The following TULP3 variants were observed in gnomAD, a reference collection of about 807,000 sequenced individuals.
TULP3 encodes TUB like protein 3.
In TULP3, 38 loss-of-function variants were observed where a neutral mutation model predicts 50.7. The observed-to-expected ratio is 0.75, with a 90% CI of 0.58 to 0.98. TULP3 has a LOEUF of 0.98. Among genes scored for constraint, TULP3 ranks in the 50% least tolerant of loss-of-function variants. The pLI, the probability that TULP3 is intolerant of heterozygous loss-of-function variation, is 0.00. For missense variants in TULP3, 550 were observed against 568.0 expected (o/e 0.97, Z 0.32); for synonymous variants, 183 against 196.6 (o/e 0.93, Z 0.58).
chr12:2,926,939 A>G (rs377500839), intron 4 of TULP3, among the ~76,000 whole-genome samples: 1 of 152,134 alleles, frequency 6.6e-6, no homozygotes, highest in East Asian at 1.9e-4. Context: ...GGTTTTCAGT[A>G]CAGAGTTCTA....
intron 2 of TULP3, among the ~76,000 whole-genome samples, chr12:2,917,663 G>C (rs2098189399): frequency 1.3e-5 from 2 of 152,054 alleles, no homozygotes; most frequent in Admixed American, 1.3e-4. Context: ...GGATCATGAG[G>C]TCAGGAGATC....
chr12:2,932,124 CA>C (rs1460055696), intron 6 of TULP3, among the ~76,000 whole-genome samples: 2 of 152,142 alleles, frequency 1.3e-5, no homozygotes, highest in African/African-American at 4.8e-5. Flanking sequence ...CCATTGAGGT[CA>C]CAGTGGTTTA....
At chr12:2,917,635 T>C (rs561595653) in intron 2 of TULP3, among the ~76,000 whole-genome samples, 322 of 152,098 alleles carry the variant, frequency 2.1e-3, no homozygotes, top group Non-Finnish European at 3.3e-3. Context: ...CCCAGCACTT[T>C]AGGAGGCCAA....
intron 6 of TULP3, among the ~76,000 whole-genome samples, chr12:2,932,943 A>ATTTTTTT (rs202247754): frequency 1.3e-5 from 2 of 149,496 alleles, no homozygotes; most frequent in Non-Finnish European, 1.5e-5. Context: ...TTTTATTTTT[A>ATTTTTTT]TTTTTTATTT....
intron 8 of TULP3, among the ~76,000 whole-genome samples, chr12:2,935,909 G>A (rs565000090): frequency 1.3e-5 from 2 of 152,162 alleles, no homozygotes; most frequent in South Asian, 4.1e-4. Flanking sequence ...GGTCGAGGCT[G>A]CAGTGAGCCG....
intron 1 of TULP3, among the ~76,000 whole-genome samples, chr12:2,899,852 C>CACT (rs1443551166): frequency 2.1e-5 from 3 of 144,030 alleles, no homozygotes; most frequent in African/African-American, 7.9e-5. Flanking sequence ...GAGCTCATGC[C>CACT]ACTGCACTCC....
At chr12:2,912,966 G>A (rs114774326) in intron 2 of TULP3, among the ~76,000 whole-genome samples, 1,763 of 121,908 alleles carry the variant, frequency 0.014, 37 homozygotes, top group African/African-American at 0.055. Context: ...CCCTTAACAC[G>A]TTCTTTTTTT....
At chr12:2,900,524 C>T (rs2098178521) in intron 1 of TULP3, among the ~76,000 whole-genome samples, 1 of 152,120 alleles carries the variant, frequency 6.6e-6, no homozygotes, top group African/African-American at 2.4e-5. Flanking sequence ...TCCTATTCTG[C>T]TACCCTTGTC....
intron 7 of TULP3, among the ~76,000 whole-genome samples, chr12:2,933,958 A>G (rs894255143): frequency 6.6e-6 from 1 of 152,144 alleles, no homozygotes; most frequent in Admixed American, 6.5e-5. Context: ...TCAAAAAAAT[A>G]AAAAAATAAG....
At chr12:2,907,841 G>C (rs1262217320) in intron 1 of TULP3, among the ~76,000 whole-genome samples, 1 of 152,052 alleles carries the variant, frequency 6.6e-6, no homozygotes, top group Non-Finnish European at 1.5e-5. Flanking sequence ...TGAAACATGG[G>C]GGGCACAAAG....
chr12:2,902,273 C>T (rs539437626), intron 1 of TULP3, among the ~76,000 whole-genome samples: 1 of 152,130 alleles, frequency 6.6e-6, no homozygotes, highest in Non-Finnish European at 1.5e-5. Context: ...TAAAAAACAT[C>T]AATTTGTGAT....
intron 6 of TULP3, among the ~76,000 whole-genome samples, chr12:2,932,689 A>C (rs182697228): frequency 2.0e-5 from 3 of 150,412 alleles, no homozygotes; most frequent in Non-Finnish European, 4.4e-5. Flanking sequence ...ATGAACATTG[A>C]TTGTTATTTA....
At position 2,939,325 on chromosome 12, in the gene TULP3, A is replaced by T; in HGVS notation, c.1210A>T (p.Met404Leu). The T allele has an allele frequency of 6.2e-7, 1 of 1,614,236 alleles. No homozygotes were observed. The highest frequency in any genetic ancestry group is 8.5e-7 in the Non-Finnish European group (1 of 1,180,050). Reference protein sequence around the residue: ...VHKNDPDYIVMQFGRVADDVF... With the variant: ...VHKNDPDYIVLQFGRVADDVF... The stretch of plus-strand genomic sequence containing the variant: ...TCTGTTTCTAGCTGATTATATAGTC[A>T]TGCAGTTTGGACGTGTGGCAGATGA... Residue 404 changes from methionine to leucine, a missense_variant, in exon 11 of 11, where the codon ATG becomes TTG. Transcript: ENST00000448120. The surrounding 1 kb of genome is among the most constrained non-coding windows in gnomAD (Gnocchi z 4.0).
chr12:2,900,957 C>T (rs546191490), intron 1 of TULP3, among the ~76,000 whole-genome samples: 2 of 150,452 alleles, frequency 1.3e-5, no homozygotes, highest in African/African-American at 4.9e-5. Context: ...ACGCGATCCT[C>T]TTGCCTCTTA....
intron 3 of TULP3, among the ~76,000 whole-genome samples, chr12:2,921,823 C>G (rs1311043140): frequency 6.6e-6 from 1 of 152,118 alleles, no homozygotes; most frequent in Non-Finnish European, 1.5e-5. Flanking sequence ...GTGGCTTATA[C>G]CTGTGATCCC....
At chr12:2,936,795 GTT>G (rs201365792) in intron 8 of TULP3, among the ~76,000 whole-genome samples, 30,607 of 151,722 alleles carry the variant, frequency 0.2, 3,164 homozygotes, top group South Asian at 0.26. Flanking sequence ...AAGAGATTCT[GTT>G]TTAAATGTAG....
intron 1 of TULP3, among the ~76,000 whole-genome samples, chr12:2,895,068 G>C (rs1190472662): frequency 1.3e-5 from 2 of 152,136 alleles, no homozygotes; most frequent in African/African-American, 4.8e-5. Context: ...TTAACTTCTG[G>C]ATTAAATCAT....
chr12:2,892,150 T>C (rs1475989535), intron 1 of TULP3, among the ~76,000 whole-genome samples: 1 of 152,204 alleles, frequency 6.6e-6, no homozygotes, highest in Non-Finnish European at 1.5e-5. Context: ...TTAAACAATT[T>C]TAAACCATTT....
At position 2,938,275 on chromosome 12, in the gene TULP3, C is replaced by A; in HGVS notation, c.1185C>A (p.His395Gln). 6.2e-7 allele frequency: 1 copy of A among 1,613,506 alleles called. No individual in the cohort carries two copies. The highest frequency in any genetic ancestry group is 1.1e-5 in the South Asian group (1 of 90,946). Residue 395 changes from histidine (H) to glutamine (Q), a missense_variant, in exon 10 of 11, where the codon CAC becomes CAA. Transcript: ENST00000448120. ...QASVKNFQIV[H>Q]KNDPDYIVMQ... Reference sequence around the variant, plus strand: ...CTGTGAAGAACTTCCAGATAGTCCACAAAAATGACCGTAAGCCTCCAGGAG... The same window carrying A: ...CTGTGAAGAACTTCCAGATAGTCCAAAAAAATGACCGTAAGCCTCCAGGAG...
Sources: gnomAD v4.1 joint callset for allele counts (sites outside exome capture counted in the v4.1 genomes callset) on GRCh38, gnomAD v4.1.1 for gene constraint, Gnocchi (gnomAD v3.1) non-coding constraint, MANE v1.5 for transcripts, NCBI Gene and HGNC (gene_info 2026-07-23, HGNC 2026-07-21) for gene names.